PRKAR1B: variants seen among roughly 807,000 people sequenced by gnomAD.
PRKAR1B encodes the protein cAMP-dependent protein kinase type I-beta regulatory subunit.
In PRKAR1B, 22 loss-of-function variants were observed where a neutral mutation model predicts 46.5. The observed-to-expected ratio is 0.47, with a 90% CI of 0.34 to 0.68. PRKAR1B has a LOEUF of 0.68. PRKAR1B is among the 30% of genes least tolerant of loss of function. The probability of loss-of-function intolerance (pLI) is 0.01; values close to 1 mark genes in which losing one functional copy is unlikely to be tolerated. For synonymous variants in PRKAR1B, 259 were observed against 217.7 expected (o/e 1.19, Z -1.67); for missense variants, 445 against 535.6 (o/e 0.83, Z 1.67).
chr7:716,275 C>G (rs1780881919), intron 1 of PRKAR1B, among the ~76,000 whole-genome samples: 1 of 144,918 alleles, frequency 6.9e-6, no homozygotes. Flanking sequence ...CTAGGCTAGT[C>G]TCGAATTCCT....
At chr7:705,843 G>A (rs933048961) in intron 2 of PRKAR1B, among the ~76,000 whole-genome samples, 6 of 152,040 alleles carry the variant, frequency 3.9e-5, no homozygotes, top group African/African-American at 9.7e-5. Flanking sequence ...ACTGACCAAC[G>A]TGCTGAAACC....
chr7:726,908 C>T (rs1781321616), intron 1 of PRKAR1B: 1 of 1,345,294 alleles, frequency 7.4e-7, no homozygotes. Context: ...CCAGGCCCTG[C>T]CGCCGACCCC....
intron 4 of PRKAR1B, among the ~76,000 whole-genome samples, chr7:668,990 A>C (rs925256485): frequency 1.4e-4 from 22 of 152,178 alleles, no homozygotes; most frequent in African/African-American, 5.3e-4. Flanking sequence ...ATCCATCAGC[A>C]TCTGCCCAGG....
chr7:659,280 G>C (rs1323908479), intron 4 of PRKAR1B, among the ~76,000 whole-genome samples: 3 of 152,172 alleles, frequency 2.0e-5, no homozygotes. Context: ...GTAGGGGGTG[G>C]TCTGTGTTGC....
chr7:604,265 T>C (rs1781858735), intron 6 of PRKAR1B, among the ~76,000 whole-genome samples: 1 of 152,164 alleles, frequency 6.6e-6, no homozygotes, highest in Admixed American at 6.5e-5. Context: ...TTTTTTAAAC[T>C]CGAAGCAAAG....
chr7:663,726 T>A (rs931627221), intron 4 of PRKAR1B, among the ~76,000 whole-genome samples: 1 of 152,108 alleles, frequency 6.6e-6, no homozygotes, highest in African/African-American at 2.4e-5. Flanking sequence ...GATCCTCACC[T>A]GGAACTTGGG....
rs143726485 is a variant in PRKAR1B at position 600,471 on chromosome 7, C to T, written c.550-4167G>A. On this transcript the variant is annotated intron_variant, in intron 6 of 10. Coordinates refer to ENST00000537384, the MANE Select transcript of PRKAR1B (RefSeq NM_001164760.2). ...CACGCCACCGCACTCCCAGCCTGGG[C>T]GACAGAGCGAGACCCCATCTCAAAA... Among the ~76,000 whole-genome samples, 396 of 152,312 alleles carry T rather than the reference C, an allele frequency of 2.6e-3. 1 individual carries two copies. The highest frequency in any genetic ancestry group is 6.8e-3 in the Middle Eastern group (2 of 294).
At chr7:704,548 G>A (rs1780217086) in intron 2 of PRKAR1B, among the ~76,000 whole-genome samples, 1 of 152,174 alleles carries the variant, frequency 6.6e-6, no homozygotes, top group Admixed American at 6.5e-5. Flanking sequence ...GGCCGAGGCG[G>A]GTGGATCACT....
At chr7:700,376 A>T (rs1358168863) in intron 2 of PRKAR1B, among the ~76,000 whole-genome samples, 1 of 152,186 alleles carries the variant, frequency 6.6e-6, no homozygotes, top group Non-Finnish European at 1.5e-5. Context: ...CAAAAATATC[A>T]ACATTCTCTC....
At chr7:634,995 G>A (rs1005442478) in intron 4 of PRKAR1B, among the ~76,000 whole-genome samples, 1 of 152,182 alleles carries the variant, frequency 6.6e-6, no homozygotes, top group Non-Finnish European at 1.5e-5. Context: ...AACAGTATGC[G>A]AATGTAGAAC....
chr7:551,367 A>C, intron 10 of PRKAR1B, 22 bp downstream of exon 10: 1 of 1,549,582 alleles, frequency 6.5e-7, no homozygotes, highest in Non-Finnish European at 8.7e-7. Flanking sequence ...CGTGCGAGGG[A>C]GGGGACGCCC....
chr7:604,886 C>T (rs1039558332), intron 6 of PRKAR1B, among the ~76,000 whole-genome samples: 2 of 152,008 alleles, frequency 1.3e-5, no homozygotes, highest in African/African-American at 4.8e-5. Flanking sequence ...GAAGGGCAGG[C>T]AGGCATCCCA....
chr7:627,619 C>T (rs894548505), intron 4 of PRKAR1B, among the ~76,000 whole-genome samples: 2 of 152,192 alleles, frequency 1.3e-5, no homozygotes, highest in Non-Finnish European at 2.9e-5. Context: ...CAGTACTGAG[C>T]TTGACAGCAG....
At chr7:709,641 A>T (rs955411017) in intron 2 of PRKAR1B, among the ~76,000 whole-genome samples, 1 of 151,976 alleles carries the variant, frequency 6.6e-6, no homozygotes, top group Non-Finnish European at 1.5e-5. Flanking sequence ...AAGTGCTGGG[A>T]TTACAGGCGT....
At chr7:578,482 T>C (rs987163425) in intron 9 of PRKAR1B, among the ~76,000 whole-genome samples, 1 of 152,044 alleles carries the variant, frequency 6.6e-6, no homozygotes, top group African/African-American at 2.4e-5. Flanking sequence ...TACATTTGAG[T>C]GCGGTTGTTA....
At chr7:657,258 T>TGGAC (rs112672903) in intron 4 of PRKAR1B, among the ~76,000 whole-genome samples, 15,206 of 125,078 alleles carry the variant, frequency 0.12, 1,487 homozygotes, top group East Asian at 0.22. Flanking sequence ...GATGGATGAA[T>TGGAC]GGACGGACGG....
chr7:558,361 G>T (rs958313559), intron 9 of PRKAR1B, among the ~76,000 whole-genome samples: 3 of 148,806 alleles, frequency 2.0e-5, no homozygotes, highest in African/African-American at 7.4e-5. Context: ...AGGAGGAGAA[G>T]GAGGAGGAGG....
chr7:628,899 C>T (rs1783568902), intron 4 of PRKAR1B, among the ~76,000 whole-genome samples: 1 of 151,976 alleles, frequency 6.6e-6, no homozygotes, highest in Non-Finnish European at 1.5e-5. Context: ...CCTCAGGGTT[C>T]GTCGGGGACG....
chr7:674,698 T>G (rs73047903), intron 4 of PRKAR1B, among the ~76,000 whole-genome samples: 14,041 of 152,064 alleles, frequency 0.092, 830 homozygotes, highest in South Asian at 0.21. Flanking sequence ...CCCAGCTAAC[T>G]CTCTCCATGC....
Sources: allele counts gnomAD v4.1 joint callset (sites outside exome capture counted in the v4.1 genomes callset), GRCh38; gene constraint gnomAD v4.1.1; transcripts MANE v1.5; gene names NCBI Gene and HGNC (gene_info 2026-07-23, HGNC 2026-07-21).